Variants in SLC15A3 observed in about 807,000 individuals in gnomAD.
The protein encoded by SLC15A3 is osteoclast transporter.
A neutral mutation model predicts 49.2 loss-of-function variants in SLC15A3; 39 were observed. The observed-to-expected ratio is 0.79, with a 90% CI of 0.61 to 1.04. SLC15A3 has a LOEUF of 1.04. SLC15A3 is among the 50% of genes least tolerant of loss of function. SLC15A3 has a pLI of 0.00. For missense variants in SLC15A3, 758 were observed against 794.8 expected, an observed-to-expected ratio of 0.95 and a Z score of 0.56; for synonymous variants, 339 against 367.0, an observed-to-expected ratio of 0.92 and a Z score of 0.87.
intron 6 of SLC15A3, among the ~76,000 whole-genome samples, chr11:60,938,980 C>G (rs1314212189): frequency 1.3e-5 from 2 of 152,082 alleles, no homozygotes; most frequent in African/African-American, 4.8e-5. Flanking sequence ...CCTTGCAGCT[C>G]TAGCTCCCAG....
rs1856706847 is a variant in SLC15A3 at position 60,941,397 on chromosome 11, C to T, written c.1108-107G>A. 5.3e-6 allele frequency: 6 copies of T among 1,133,800 alleles called. No homozygotes were observed. The South Asian group carries it at 1.0e-4, about 19-fold the overall frequency. 70.2% of individuals were successfully genotyped at this position (1,133,800 alleles called of 1,614,324 possible). ...GGCCCTGGGTGACCCTGGGGTCCAG[C>T]TCCTTTCCCTCTCTGGAGTTCATGC... is the stretch of plus-strand genomic sequence containing the variant. On this transcript the variant is annotated intron_variant, in intron 4 of 7. Coordinates refer to ENST00000227880, the MANE Select transcript of SLC15A3 (RefSeq NM_016582.3).
At chr11:60,949,564 G>GAAAGAAAGAAAGAAAAGA (rs1554986438) in intron 1 of SLC15A3, among the ~76,000 whole-genome samples, 2,204 of 117,896 alleles carry the variant, frequency 0.019, 202 homozygotes, top group Middle Eastern at 0.047. Context: ...AAGAAAGAAA[G>GAAAGAAAGAAAGAAAAGA]AAAGAAAAGA....
chr11:60,952,006 T>C lies in SLC15A3; in HGVS notation c.-455A>G, dbSNP rs1378442589. On this transcript the variant is annotated 5_prime_UTR_variant, in exon 1 of 8. Coordinates refer to ENST00000227880, the MANE Select transcript of SLC15A3 (RefSeq NM_016582.3). ...TCTCCTTATGACTCCTGGCCTGCCC[T>C]GGGCGTGGGGTGGGGGCTCCCTCTG... Among the ~76,000 whole-genome samples, 2 of 151,334 alleles carry C rather than the reference T, an allele frequency of 1.3e-5. No homozygotes were observed. The highest frequency in any genetic ancestry group is 4.9e-5 in the African/African-American group (2 of 41,134).
intron 3 of SLC15A3, 115 bp from the exon 4 acceptor site, chr11:60,942,260 C>G: frequency 1.2e-6 from 1 of 824,206 alleles, no homozygotes; most frequent in Non-Finnish European, 2.0e-6. Flanking sequence ...GTCCCCTCTC[C>G]CAGTCTCAGG....
At chr11:60,949,062 G>C (rs1026790152) in intron 1 of SLC15A3, among the ~76,000 whole-genome samples, 3 of 152,216 alleles carry the variant, frequency 2.0e-5, no homozygotes, top group Non-Finnish European at 4.4e-5. Flanking sequence ...CTGGCCGGTC[G>C]CAGTGGCTCA....
chr11:60,942,120 C>A lies in SLC15A3; in HGVS notation c.1022G>T (p.Gly341Val), dbSNP rs759464738. Residue 341 changes from glycine to valine, a missense_variant, in exon 4 of 8, where the codon GGT becomes GTT. Gly to Val is a moderately radical substitution (Grantham distance 109, BLOSUM62 -3). Around this residue, in one of 3 missense-constraint regions of SLC15A3, gnomAD observed 699 missense variants for 706.7 expected, o/e 0.99. Coordinates refer to ENST00000227880, the MANE Select transcript of SLC15A3 (RefSeq NM_016582.3). ...FQMQSTYVLQ[G>V]LHLHIPNIFP... Reference sequence around the variant, plus strand: ...AATGTTTGGGATGTGGAGGTGAAGACCCTGCAGGACATAGGTGGACTGCAT... The same window carrying A: ...AATGTTTGGGATGTGGAGGTGAAGAACCTGCAGGACATAGGTGGACTGCAT... The A allele has an allele frequency of 2.5e-6, 4 of 1,613,948 alleles. No homozygotes were observed. In the East Asian group the frequency reaches 8.9e-5, roughly 36 times the overall value.
Position 60,941,307 on chromosome 11 carries a change from C to A in SLC15A3, c.1108-17G>T. 1 of 1,607,812 alleles carries A rather than the reference C, an allele frequency of 6.2e-7. No individual in the cohort carries two copies. Among genetic ancestry groups the A allele is most frequent in the Admixed American group, 1.7e-5 (1 of 59,310 alleles). On this transcript the variant is annotated splice_polypyrimidine_tract_variant and intron_variant, in intron 4 of 7. Coordinates refer to ENST00000227880, the MANE Select transcript of SLC15A3 (RefSeq NM_016582.3). ...TTCCGGGATCTGGGCAGGAGGAAGT[C>A]AGGAGAGGCAGGCTAGCAGAGTGCA...
At chr11:60,942,362 G>T in intron 3 of SLC15A3, 1 of 505,274 alleles carries the variant, frequency 2.0e-6, no homozygotes, top group East Asian at 3.5e-5. Context: ...TAGGCAGTGC[G>T]TGCAGCCTTA....
In SLC15A3 at chr11:60,937,634, G is replaced by C. The variant is rs184665561; in HGVS notation, c.1591+236C>G. ...TAACCCTTCAGCCAGAGATGGCAGA[G>C]TTCCAGAAGCAGAAAGGAGCCTTGG... On this transcript the variant is annotated intron_variant, in intron 7 of 7. Transcript: ENST00000227880. 41 of 687,578 alleles carry C rather than the reference G, an allele frequency of 6.0e-5. No homozygotes were observed. In the Admixed American group the frequency reaches 8.6e-4, roughly 14 times the overall value. The allele number at this position is 687,578 out of a possible 1,614,324, so 42.6% of individuals were successfully genotyped here.
At chr11:60,950,203 G>T in intron 1 of SLC15A3, among the ~76,000 whole-genome samples, 1 of 152,202 alleles carries the variant, frequency 6.6e-6, no homozygotes, top group Non-Finnish European at 1.5e-5. Context: ...TGAGCAAGTC[G>T]GCCTGACAGC....
rs1590646474 is a variant in SLC15A3, at chr11:60,951,241, A to G, written c.311T>C (p.Val104Ala). 6.6e-7 allele frequency: 1 copy of G among 1,512,426 alleles called. No homozygotes were observed. The highest frequency in any genetic ancestry group is 1.2e-5 in the South Asian group (1 of 80,918). 93.7% of individuals were successfully genotyped at this position (1,512,426 alleles called of 1,614,324 possible). A position where few individuals can be genotyped will look rare whatever the true frequency, so the allele number is the denominator to read the frequency against. The change falls in exon 1 of 8, where the codon GTC (valine) becomes GCC (alanine). Residue 104 changes from valine (V) to alanine (A), a missense_variant. By Grantham distance (64) the Val-to-Ala change is moderately conservative. Around this residue, in one of 3 missense-constraint regions of SLC15A3, gnomAD observed 699 missense variants for 706.7 expected, o/e 0.99. Coordinates refer to ENST00000227880, the MANE Select transcript of SLC15A3 (RefSeq NM_016582.3). Reference sequence around the variant, plus strand: ...CAGGTAGAGCAGCAGGCTGAGCGCGACCGCGCGGTAGCGGCCCAGGTACAC... The same window carrying G: ...CAGGTAGAGCAGCAGGCTGAGCGCGGCCGCGCGGTAGCGGCCCAGGTACAC... Reference protein sequence around the residue: ...ADVYLGRYRAVALSLLLYLAA... With the variant: ...ADVYLGRYRAAALSLLLYLAA...
chr11:60,943,819 C>G lies in SLC15A3; in HGVS notation c.866G>C (p.Arg289Pro), dbSNP rs370679611. The change falls in exon 3 of 8, where the codon CGC becomes CCC. Residue 289 changes from arginine (R) to proline (P), a missense_variant. Physicochemically the swap from Arg to Pro is moderately radical, Grantham distance 103. Coordinates refer to ENST00000227880, the MANE Select transcript of SLC15A3 (RefSeq NM_016582.3). ...GGGAGACCTCTCGTCGGCCAGCACG[C>G]GGGCACATTGACGGTCTCTGTGAGA... ...RHSARDRQCA[R>P]VLADERSPQP... 1.4e-5 allele frequency: 22 copies of G among 1,592,728 alleles called. No homozygotes were observed. The African/African-American group carries it at 2.2e-4, about 16-fold the overall frequency.
At chr11:60,940,891 G>A (rs935264901) in intron 5 of SLC15A3, 5 of 303,862 alleles carry the variant, frequency 1.6e-5, no homozygotes, top group Non-Finnish European at 2.6e-5. Context: ...TAATTCACTG[G>A]GGGAAAATAT....
chr11:60,938,025 C>T lies in SLC15A3; in HGVS notation c.1436G>A (p.Gly479Asp). The T allele has an allele frequency of 6.2e-7, 1 of 1,613,514 alleles. No individual in the cohort carries two copies. The stretch of plus-strand genomic sequence containing the variant: ...GGCCTCTGAGTAGGCAAACTCCAGG[C>T]CTGCAGAGGGGGAGCAGAGACGATC... ...GISEIFASIP[G>D]LEFAYSEAPR... The change falls in exon 7 of 8, where the codon GGC becomes GAC. Residue 479 changes from glycine (G) to aspartate (D), a missense_variant and splice_region_variant. By Grantham distance (94) the Gly-to-Asp change is moderately conservative. Around this residue, in one of 3 missense-constraint regions of SLC15A3, gnomAD observed 699 missense variants for 706.7 expected, o/e 0.99. Transcript: ENST00000227880.
chr11:60,944,814 G>C (rs574765848), intron 2 of SLC15A3, among the ~76,000 whole-genome samples: 1 of 152,322 alleles, frequency 6.6e-6, no homozygotes, highest in East Asian at 1.9e-4. Flanking sequence ...TAGGCGACAA[G>C]ATTGATCAAT....
chr11:60,941,204 C>T lies in SLC15A3; in HGVS notation c.1194G>A (p.Leu398=), dbSNP rs923797254. Residue 398 remains leucine, a synonymous_variant, in exon 5 of 8, where the codon CTG becomes CTA. Transcript: ENST00000227880. The part of the protein sequence containing the change: ...PLKDRLIDPL[L]LRCKLLPSAL... ...CAGAGGGAAGCAGCTTGCACCGCAG[C>T]AGTAAAGGGTCGATCAAGCGGTCCT... 1.9e-6 allele frequency: 3 copies of T among 1,614,190 alleles called. No individual in the cohort carries two copies. The highest frequency in any genetic ancestry group is 1.7e-5 in the Admixed American group (1 of 60,024).
rs761417435 is a variant in SLC15A3 at position 60,937,873 on chromosome 11, AG to A, written c.1587del (p.Phe530LeufsTer84). ...CCTGGGGAGGCCCCATACTCACCAA[AG>A]TCCTTGGGGCAGTGCAGCCAGCCCC... ...LPGGWLHCPK[D>X]FGNINNCRMD... On this transcript the variant is annotated frameshift_variant, in exon 7 of 8. Coordinates refer to ENST00000227880, the MANE Select transcript of SLC15A3 (RefSeq NM_016582.3). LOFTEE classifies it low-confidence loss of function (END_TRUNC). 94 of 1,613,750 alleles carry A rather than the reference AG, an allele frequency of 5.8e-5. No individual in the cohort carries two copies. Among genetic ancestry groups the A allele is most frequent in the Non-Finnish European group, 7.7e-5 (91 of 1,179,828 alleles).
chr11:60,939,219 T>C (rs113639337), intron 6 of SLC15A3, among the ~76,000 whole-genome samples: 2 of 152,322 alleles, frequency 1.3e-5, no homozygotes, highest in African/African-American at 4.8e-5. Context: ...GTGGAGAACC[T>C]GGCACCAGGG....
Position 60,946,838 on chromosome 11 carries a change from G to T in SLC15A3, c.559-17C>A. On this transcript the variant is annotated splice_polypyrimidine_tract_variant and intron_variant, in intron 1 of 7. Coordinates refer to ENST00000227880, the MANE Select transcript of SLC15A3 (RefSeq NM_016582.3). ...ATCCATCACCTGCCATTCAGGAAGGGGTGACAGTGAGGGCCAAAGGGGTCC... is the reference window on the plus strand; with the variant it reads ...ATCCATCACCTGCCATTCAGGAAGGTGTGACAGTGAGGGCCAAAGGGGTCC... The T allele has an allele frequency of 6.3e-7, 1 of 1,599,992 alleles. No homozygotes were observed. The highest frequency in any genetic ancestry group is 8.5e-7 in the Non-Finnish European group (1 of 1,175,196).
Sources: gnomAD v4.1 joint callset for allele counts (sites outside exome capture counted in the v4.1 genomes callset) on GRCh38, gnomAD v4.1.1 for gene constraint, gnomAD v4.1.1 regional missense constraint, MANE v1.5 for transcripts, NCBI Gene and HGNC (gene_info 2026-07-23, HGNC 2026-07-21) for gene names.